The following MAPK4 variants were observed in gnomAD, a reference collection of about 807,000 sequenced individuals.
MAPK4 encodes the protein mitogen-activated protein kinase 4.
Under a neutral mutation model 47.7 loss-of-function variants are expected in MAPK4, and 22 were observed. The observed-to-expected ratio is 0.46, with a 90% CI of 0.33 to 0.66. The LOEUF (loss-of-function observed/expected upper bound fraction) is 0.66, where lower values mean the gene tolerates loss of function less well. MAPK4 is among the 30% of genes least tolerant of loss of function. The probability of loss-of-function intolerance (pLI) is 0.02; values close to 1 mark genes in which losing one functional copy is unlikely to be tolerated. For missense variants in MAPK4, 736 were observed against 831.7 expected (o/e 0.88, Z 1.42); for synonymous variants, 390 against 365.7 (o/e 1.07, Z -0.76).
Position 50,572,232 on chromosome 18 carries a change from G to A in MAPK4, c.-871+11989G>A, listed in dbSNP as rs570476376. On this transcript the variant is annotated intron_variant, in intron 1 of 5. Transcript: ENST00000400384. ...CCATCAAAATGACACAGAGAAGAAC[G>A]TTAGGGTACACAGAGTAGGAGCGAG... Among the ~76,000 whole-genome samples the A allele has an allele frequency of 1.3e-4, 20 of 152,304 alleles. No homozygotes were observed. The Middle Eastern group carries it at 0.01, about 78-fold the overall frequency.
intron 1 of MAPK4, among the ~76,000 whole-genome samples, chr18:50,659,428 A>C (rs1348225113): frequency 2.6e-5 from 4 of 152,244 alleles, no homozygotes; most frequent in Non-Finnish European, 5.9e-5. Flanking sequence ...AGTCGAAAGC[A>C]TGAGGTTCGG....
intron 1 of MAPK4, among the ~76,000 whole-genome samples, chr18:50,564,381 C>T (rs34139832): frequency 0.061 from 9,217 of 152,238 alleles, 354 homozygotes; most frequent in Non-Finnish European, 0.086. Context: ...GCCTCTACCC[C>T]CTAGATGCCA....
Position 50,667,937 on chromosome 18 carries a change from C to T in MAPK4, c.546+3433C>T, listed in dbSNP as rs1439188385. 2.0e-5 allele frequency among the ~76,000 whole-genome samples: 3 copies of T among 152,168 alleles called. No homozygotes were observed. The South Asian group carries it at 6.2e-4, about 31-fold the overall frequency. On this transcript the variant is annotated intron_variant, in intron 2 of 5. Coordinates refer to ENST00000400384, the MANE Select transcript of MAPK4 (RefSeq NM_002747.4). ...AGGGACACAAGACTGCCCCCTCCTT[C>T]CCACGAGTCATATTAATAAGTCCGT...
chr18:50,661,079 T>G (rs1324239649), intron 1 of MAPK4, among the ~76,000 whole-genome samples: 1 of 152,228 alleles, frequency 6.6e-6, no homozygotes, highest in Non-Finnish European at 1.5e-5. Flanking sequence ...TCTGCTTAGG[T>G]GCTCATTCCT....
chr18:50,696,108 A>G (rs76451194), intron 2 of MAPK4, among the ~76,000 whole-genome samples: 2 of 151,738 alleles, frequency 1.3e-5, no homozygotes, highest in Non-Finnish European at 1.5e-5. Context: ...AAAAAAAAAA[A>G]AAAAGCAAAC....
Position 50,664,178 on chromosome 18 carries a change from C to T in MAPK4, c.220C>T (p.His74Tyr). ...GATCAAGATCATTCGGCGCCTGGAC[C>T]ACGACAACATCGTCAAAGTGTACGA... is the stretch of plus-strand genomic sequence containing the variant. Reference protein sequence around the residue: ...REIKIIRRLDHDNIVKVYEVL... With the variant: ...REIKIIRRLDYDNIVKVYEVL... Residue 74 changes from histidine (H) to tyrosine (Y), a missense_variant, in exon 2 of 6, where the codon CAC becomes TAC. Physicochemically the swap from His to Tyr is moderately conservative, Grantham distance 83. Coordinates refer to ENST00000400384, the MANE Select transcript of MAPK4 (RefSeq NM_002747.4). This position sits in a 1 kb window ranked among gnomAD's most constrained non-coding sequence, Gnocchi z 6.0. The T allele has an allele frequency of 6.2e-7, 1 of 1,614,132 alleles. No individual in the cohort carries two copies. Among genetic ancestry groups the T allele is most frequent in the Non-Finnish European group, 8.5e-7 (1 of 1,180,020 alleles).
At chr18:50,641,472 G>C (rs564948855) in intron 1 of MAPK4, among the ~76,000 whole-genome samples, 1 of 151,944 alleles carries the variant, frequency 6.6e-6, no homozygotes, top group African/African-American at 2.4e-5. Flanking sequence ...ATAGATGTTC[G>C]ATTTGAACTT....
At chr18:50,560,332 G>A (rs2042141630) in intron 1 of MAPK4, 89 bp downstream of exon 1, 1 of 152,082 alleles carries the variant, frequency 6.6e-6, no homozygotes, top group South Asian at 2.1e-4. Flanking sequence ...GAAGAGATGA[G>A]ACTTCCCCGC....
At chr18:50,634,510 G>T (rs534990013) in intron 1 of MAPK4, among the ~76,000 whole-genome samples, 1 of 152,034 alleles carries the variant, frequency 6.6e-6, no homozygotes, top group Admixed American at 6.5e-5. Context: ...GATCATTGGC[G>T]TGGATCACAT....
chr18:50,619,486 T>C (rs1311101966), intron 1 of MAPK4, among the ~76,000 whole-genome samples: 1 of 151,846 alleles, frequency 6.6e-6, no homozygotes, highest in African/African-American at 2.4e-5. Flanking sequence ...GCTAATTTTT[T>C]TGTTTTTATT....
intron 1 of MAPK4, among the ~76,000 whole-genome samples, chr18:50,613,233 G>T (rs1246941523): frequency 6.6e-6 from 1 of 152,156 alleles, no homozygotes; most frequent in Non-Finnish European, 1.5e-5. Context: ...AGAAGACTCT[G>T]TCTTAGCAGA....
chr18:50,677,141 G>A (rs1908318446), intron 2 of MAPK4, among the ~76,000 whole-genome samples: 1 of 152,180 alleles, frequency 6.6e-6, no homozygotes, highest in Non-Finnish European at 1.5e-5. Flanking sequence ...AATGCCTGAT[G>A]ATCTGAGTGT....
At chr18:50,569,455 G>A (rs1568030025) in intron 1 of MAPK4, among the ~76,000 whole-genome samples, 1 of 152,080 alleles carries the variant, frequency 6.6e-6, no homozygotes, top group Non-Finnish European at 1.5e-5. Context: ...AGCAATAGTG[G>A]GTCAATTTTG....
chr18:50,615,887 A>G (rs4245234), intron 1 of MAPK4, among the ~76,000 whole-genome samples: 24,551 of 152,154 alleles, frequency 0.16, 2,011 homozygotes, highest in South Asian at 0.19. Flanking sequence ...CTTTCAAGAT[A>G]CCTTGGGGAA....
chr18:50,632,811 G>A (rs1340457402), intron 1 of MAPK4, among the ~76,000 whole-genome samples: 4 of 151,876 alleles, frequency 2.6e-5, no homozygotes, highest in Non-Finnish European at 5.9e-5. Flanking sequence ...GTAGAGACAG[G>A]GTTTTACCAT....
intron 2 of MAPK4, among the ~76,000 whole-genome samples, chr18:50,714,224 G>C (rs1568093673): frequency 1.3e-5 from 2 of 152,104 alleles, no homozygotes; most frequent in African/African-American, 4.8e-5. Flanking sequence ...TCTTACATTA[G>C]AAAGACTGTT....
rs374948565 is a variant in MAPK4 at position 50,627,595 on chromosome 18, G to A, written c.-870-35494G>A. ...AAGTTGTTGCTTATAAGGACCCCTT[G>A]CCTGCATTTAGCTCTTACAGCATTG... On this transcript the variant is annotated intron_variant, in intron 1 of 5. Coordinates refer to ENST00000400384, the MANE Select transcript of MAPK4 (RefSeq NM_002747.4). 3.3e-5 allele frequency among the ~76,000 whole-genome samples: 5 copies of A among 152,312 alleles called. No homozygotes were observed. In the East Asian group the frequency reaches 9.7e-4, roughly 29 times the overall value.
At chr18:50,576,839 G>T (rs963804358) in intron 1 of MAPK4, among the ~76,000 whole-genome samples, 3 of 152,164 alleles carry the variant, frequency 2.0e-5, no homozygotes. Flanking sequence ...GGATTCATAG[G>T]GTCCTAGGTG....
At chr18:50,723,174 G>T (rs1482629200) in intron 4 of MAPK4, among the ~76,000 whole-genome samples, 1 of 152,188 alleles carries the variant, frequency 6.6e-6, no homozygotes, top group Non-Finnish European at 1.5e-5. Flanking sequence ...AGGATGAGTG[G>T]CTGTGCCCGG....
Sources: gnomAD v4.1 joint callset for allele counts (sites outside exome capture counted in the v4.1 genomes callset) on GRCh38, gnomAD v4.1.1 for gene constraint, Gnocchi (gnomAD v3.1) non-coding constraint, MANE v1.5 for transcripts, NCBI Gene and HGNC (gene_info 2026-07-23, HGNC 2026-07-21) for gene names.